GLCE: variants seen among roughly 807,000 people sequenced by gnomAD.
GLCE encodes D-glucuronyl C5-epimerase.
A neutral mutation model predicts 47.9 loss-of-function variants in GLCE; 19 were observed. The ratio of observed to expected loss-of-function variants is 0.40; its 90% CI spans 0.28 to 0.58. The LOEUF (loss-of-function observed/expected upper bound fraction) is 0.58. GLCE is among the 20% of genes least tolerant of loss of function. GLCE has a pLI of 0.48. For synonymous variants in GLCE, 245 were observed against 263.4 expected (o/e 0.93, Z 0.68); for missense variants, 556 against 743.3 (o/e 0.75, Z 2.93).
At chr15:69,246,008 C>T (rs776401043) in intron 2 of GLCE, among the ~76,000 whole-genome samples, 8 of 152,248 alleles carry the variant, frequency 5.3e-5, no homozygotes, top group East Asian at 1.9e-4. Flanking sequence ...GGTTTACAGG[C>T]GTGAGCCACC....
intron 1 of GLCE, among the ~76,000 whole-genome samples, chr15:69,170,871 G>A (rs917418224): frequency 1.3e-5 from 2 of 152,150 alleles, no homozygotes; most frequent in East Asian, 3.9e-4. Flanking sequence ...CTGTTCCAAA[G>A]TGAAAAGCCA....
chr15:69,252,429 A>G (rs952089518), intron 2 of GLCE, among the ~76,000 whole-genome samples: 1 of 152,212 alleles, frequency 6.6e-6, no homozygotes, highest in African/African-American at 2.4e-5. Context: ...AGTGTGGGCA[A>G]TGCTTTTAAG....
At chr15:69,173,967 C>G (rs980850395) in intron 1 of GLCE, among the ~76,000 whole-genome samples, 4 of 152,124 alleles carry the variant, frequency 2.6e-5, no homozygotes, top group Non-Finnish European at 5.9e-5. Flanking sequence ...AAGTGATCCT[C>G]CAGTCTCAGC....
At chr15:69,248,927 A>G (rs1205191764) in intron 2 of GLCE, among the ~76,000 whole-genome samples, 2 of 152,184 alleles carry the variant, frequency 1.3e-5, no homozygotes, top group African/African-American at 4.8e-5. Context: ...GGGATACAAC[A>G]GTGGCCAGGA....
intron 1 of GLCE, among the ~76,000 whole-genome samples, chr15:69,167,703 A>C (rs991428268): frequency 1.3e-5 from 2 of 152,208 alleles, no homozygotes; most frequent in African/African-American, 4.8e-5. Flanking sequence ...AGCAGCTCAG[A>C]AGATTAGGTA....
At chr15:69,204,059 T>G (rs1225155742) in intron 1 of GLCE, among the ~76,000 whole-genome samples, 2 of 152,052 alleles carry the variant, frequency 1.3e-5, no homozygotes, top group African/African-American at 2.4e-5. Flanking sequence ...TATGTAGATT[T>G]TTATATTTTG....
chr15:69,161,994 G>C (rs901635863), intron 1 of GLCE, among the ~76,000 whole-genome samples: 1 of 152,208 alleles, frequency 6.6e-6, no homozygotes, highest in African/African-American at 2.4e-5. Flanking sequence ...TTGCCTGAGT[G>C]AATGTTAGGC....
At chr15:69,236,113 T>C (rs2052591473) in intron 2 of GLCE, among the ~76,000 whole-genome samples, 1 of 152,260 alleles carries the variant, frequency 6.6e-6, no homozygotes, top group Non-Finnish European at 1.5e-5. Context: ...GTTATCAGTA[T>C]CAGTGCATTG....
chr15:69,164,936 T>C (rs1375755049), intron 1 of GLCE, among the ~76,000 whole-genome samples: 1 of 152,212 alleles, frequency 6.6e-6, no homozygotes, highest in Non-Finnish European at 1.5e-5. Flanking sequence ...CCAGACTTGA[T>C]CCCCTTTAAT....
Position 69,223,861 on chromosome 15 carries a change from T to C in GLCE, c.-14+13455T>C, listed in dbSNP as rs1008542757. On this transcript the variant is annotated intron_variant, in intron 2 of 4. Coordinates refer to ENST00000261858, the MANE Select transcript of GLCE (RefSeq NM_015554.3). Reference sequence around the variant, plus strand: ...GCTCAGATATGCCTTTGAATCTATATAGTGAATTTTTCATTTTGTACTTCT... The same window carrying C: ...GCTCAGATATGCCTTTGAATCTATACAGTGAATTTTTCATTTTGTACTTCT... Among the ~76,000 whole-genome samples the C allele has an allele frequency of 2.6e-5, 4 of 152,186 alleles. No homozygotes were observed. The East Asian group carries it at 5.8e-4, about 22-fold the overall frequency.
chr15:69,183,151 T>C (rs1398762793), intron 1 of GLCE, among the ~76,000 whole-genome samples: 1 of 152,164 alleles, frequency 6.6e-6, no homozygotes, highest in African/African-American at 2.4e-5. Context: ...CAGAACTTCC[T>C]TTCTGATAAT....
In GLCE at chr15:69,184,805, C is replaced by G. The variant is rs1174854425; in HGVS notation, c.-105+24048C>G. On this transcript the variant is annotated intron_variant, in intron 1 of 4. Coordinates refer to ENST00000261858, the MANE Select transcript of GLCE (RefSeq NM_015554.3). ...TTCCAGGGTGGGATTCTCAGATTCT[C>G]TTCATACAGTGGGTACCAGGAAGGA... 2.0e-5 allele frequency among the ~76,000 whole-genome samples: 3 copies of G among 152,192 alleles called. No individual in the cohort carries two copies. In the East Asian group the frequency reaches 5.8e-4, roughly 29 times the overall value.
chr15:69,198,664 A>G (rs2052031751), intron 1 of GLCE, among the ~76,000 whole-genome samples: 1 of 152,180 alleles, frequency 6.6e-6, no homozygotes, highest in Non-Finnish European at 1.5e-5. Context: ...CAAGAAGCAC[A>G]TCACAATTTT....
intron 2 of GLCE, among the ~76,000 whole-genome samples, chr15:69,239,550 A>G (rs1175094534): frequency 1.3e-5 from 2 of 152,192 alleles, no homozygotes; most frequent in Admixed American, 1.3e-4. Context: ...GACTCCCTCT[A>G]ACCCCACATC....
intron 1 of GLCE, among the ~76,000 whole-genome samples, chr15:69,209,549 A>T (rs758389210): frequency 7.2e-5 from 11 of 151,970 alleles, no homozygotes; most frequent in Non-Finnish European, 1.5e-4. Flanking sequence ...CTGGAACTTG[A>T]GGGGTCGTCT....
At chr15:69,233,999 C>T (rs1416789972) in intron 2 of GLCE, among the ~76,000 whole-genome samples, 2 of 149,034 alleles carry the variant, frequency 1.3e-5, no homozygotes, top group African/African-American at 5.0e-5. Flanking sequence ...TTTTTTGAGA[C>T]AGAGTTTCGC....
chr15:69,173,619 C>G (rs746525729), intron 1 of GLCE, among the ~76,000 whole-genome samples: 6 of 151,694 alleles, frequency 4.0e-5, no homozygotes, highest in Non-Finnish European at 7.4e-5. Flanking sequence ...CATTCACTCC[C>G]TGAGGCACTA....
intron 4 of GLCE, among the ~76,000 whole-genome samples, chr15:69,262,801 T>C (rs1474825338): frequency 6.6e-6 from 1 of 152,160 alleles, no homozygotes; most frequent in Non-Finnish European, 1.5e-5. Flanking sequence ...CTGTTCTAAG[T>C]TGGAACTCCC....
intron 1 of GLCE, among the ~76,000 whole-genome samples, chr15:69,172,255 G>A (rs186146179): frequency 1.3e-5 from 2 of 152,264 alleles, no homozygotes; most frequent in Admixed American, 6.5e-5. Flanking sequence ...TCAGAGCTTG[G>A]TGTCATTCCT....
Sources: allele counts gnomAD v4.1 joint callset (sites outside exome capture counted in the v4.1 genomes callset), GRCh38; gene constraint gnomAD v4.1.1; transcripts MANE v1.5; gene names NCBI Gene and HGNC (gene_info 2026-07-23, HGNC 2026-07-21).